INPP4B: variants seen among roughly 807,000 people sequenced by gnomAD.
INPP4B encodes the protein inositol polyphosphate 4-phosphatase type II.
INPP4B carries 55 observed loss-of-function variants against 122.5 expected under a neutral mutation model. That is an observed-to-expected ratio of 0.45 (90% CI 0.36 to 0.56). INPP4B has a LOEUF of 0.56. INPP4B is among the 20% of genes least tolerant of loss of function. INPP4B has a pLI of 0.00. For missense variants in INPP4B, 1,000 were observed against 1,097.7 expected, an observed-to-expected ratio of 0.91 and a Z score of 1.26; for synonymous variants, 403 against 388.7, an observed-to-expected ratio of 1.04 and a Z score of -0.43.
chr4:142,061,885 C>CAT (rs66485353), intron 25 of INPP4B, among the ~76,000 whole-genome samples: 2 of 139,308 alleles, frequency 1.4e-5, no homozygotes, highest in African/African-American at 3.0e-5. Flanking sequence ...CACACACACA[C>CAT]ATATATATAT....
chr4:142,246,070 T>C (rs1284938752), intron 11 of INPP4B, among the ~76,000 whole-genome samples: 1 of 145,008 alleles, frequency 6.9e-6, no homozygotes, highest in Admixed American at 6.7e-5. Context: ...TGTGTGTGTG[T>C]ATACACACAT....
intron 2 of INPP4B, among the ~76,000 whole-genome samples, chr4:142,552,992 A>AT (rs1560791401): frequency 6.6e-6 from 1 of 152,130 alleles, no homozygotes; most frequent in South Asian, 2.1e-4. Flanking sequence ...CACAATAGAC[A>AT]TTTTTGGTCC....
At chr4:142,511,590 G>C (rs887002951) in intron 2 of INPP4B, among the ~76,000 whole-genome samples, 11 of 152,072 alleles carry the variant, frequency 7.2e-5, no homozygotes, top group Non-Finnish European at 1.0e-4. Flanking sequence ...TCTTACCTTT[G>C]GTCGGGCATT....
At chr4:142,180,935 A>G (rs1204328211) in intron 15 of INPP4B, among the ~76,000 whole-genome samples, 1 of 152,202 alleles carries the variant, frequency 6.6e-6, no homozygotes, top group Non-Finnish European at 1.5e-5. Context: ...ACAGTAAATT[A>G]TTTTCAACAA....
chr4:142,694,047 C>T (rs754908185), intron 2 of INPP4B, among the ~76,000 whole-genome samples: 26 of 151,948 alleles, frequency 1.7e-4, no homozygotes, highest in Non-Finnish European at 2.5e-4. Context: ...AAAGTAAGTG[C>T]TTAAATCAAG....
chr4:142,512,981 A>C (rs2149876603), intron 2 of INPP4B, among the ~76,000 whole-genome samples: 1 of 152,304 alleles, frequency 6.6e-6, no homozygotes, highest in Admixed American at 6.5e-5. Context: ...TAAAAATTTG[A>C]CATATAGCTT....
intron 2 of INPP4B, among the ~76,000 whole-genome samples, chr4:142,614,474 T>C (rs1743266389): frequency 3.3e-5 from 5 of 152,150 alleles, no homozygotes; most frequent in African/African-American, 1.2e-4. Context: ...CCTCTGGACA[T>C]TGACCTAGGC....
In INPP4B at chr4:142,538,637, G is replaced by A. The variant is rs529096245; in HGVS notation, c.-190-75911C>T. On this transcript the variant is annotated intron_variant, in intron 2 of 25. Transcript: ENST00000262992. ...ATATTATCTTAAAGTAATTTGAAGT[G>A]TTCTCTTATGAACACTGAGAAGTAC... 5.5e-4 allele frequency among the ~76,000 whole-genome samples: 83 copies of A among 152,166 alleles called. 1 individual carries two copies. Among genetic ancestry groups the A allele is most frequent in the African/African-American group, 1.9e-3 (81 of 41,558 alleles).
At chr4:142,433,761 A>G (rs796290397) in intron 3 of INPP4B, among the ~76,000 whole-genome samples, 81 of 152,312 alleles carry the variant, frequency 5.3e-4, no homozygotes, top group African/African-American at 1.9e-3. Context: ...GTGTCAAGAT[A>G]GTGTTCTGCC....
At chr4:142,788,620 C>A (rs1003272764) in intron 1 of INPP4B, among the ~76,000 whole-genome samples, 1 of 152,064 alleles carries the variant, frequency 6.6e-6, no homozygotes, top group Non-Finnish European at 1.5e-5. Context: ...CCCACCCCTG[C>A]CTGGCCTTCC....
intron 25 of INPP4B, among the ~76,000 whole-genome samples, chr4:142,062,650 C>A (rs1761600624): frequency 6.6e-6 from 1 of 151,968 alleles, no homozygotes; most frequent in Non-Finnish European, 1.5e-5. Context: ...GCAGGAGAAT[C>A]ACTTGAACCT....
intron 7 of INPP4B, among the ~76,000 whole-genome samples, chr4:142,369,931 C>CA (rs11422223): frequency 0.44 from 41,460 of 94,280 alleles, 7,424 homozygotes; most frequent in South Asian, 0.53. Flanking sequence ...GACTCCATCT[C>CA]AAAAAAAAAA....
At chr4:142,593,081 G>T (rs545240099) in intron 2 of INPP4B, among the ~76,000 whole-genome samples, 12 of 151,400 alleles carry the variant, frequency 7.9e-5, no homozygotes, top group Non-Finnish European at 1.5e-4. Context: ...TCCAGCCTGG[G>T]TGATACAGTG....
chr4:142,481,774 G>A (rs1820578492), intron 2 of INPP4B, among the ~76,000 whole-genome samples: 1 of 152,146 alleles, frequency 6.6e-6, no homozygotes, highest in Admixed American at 6.6e-5. Flanking sequence ...AGATGGTTCT[G>A]TGATAGTGCA....
intron 2 of INPP4B, among the ~76,000 whole-genome samples, chr4:142,591,021 G>GA (rs906113745): frequency 6.6e-6 from 1 of 151,924 alleles, no homozygotes; most frequent in South Asian, 2.1e-4. Context: ...AAAAGAAAGA[G>GA]AAAAAAACTC....
rs76631674 is a variant in INPP4B, at chr4:142,144,705, G to A, written c.1720+1135C>T. ...GTTTTGCCTATATGAATGTATGACA[G>A]AGGAAGAGGGACCATCTACAACAAG... On this transcript the variant is annotated intron_variant, in intron 18 of 25. Transcript: ENST00000262992. Among the ~76,000 whole-genome samples the A allele has an allele frequency of 6.3e-3, 956 of 152,194 alleles. 10 individuals are homozygous for A. The highest frequency in any genetic ancestry group is 0.021 in the African/African-American group (880 of 41,564).
intron 5 of INPP4B, among the ~76,000 whole-genome samples, chr4:142,407,378 TC>T (rs1352785229): frequency 6.6e-6 from 1 of 152,126 alleles, no homozygotes; most frequent in Non-Finnish European, 1.5e-5. Context: ...ATAAGTCACT[TC>T]TTTTCTGAGT....
Position 142,783,995 on chromosome 4 carries a change from A to G in INPP4B, c.-253-58094T>C, listed in dbSNP as rs539970917. ...AAAAATGCCAGAGACTTTTGGTTTC[A>G]CCTTCAGCATGTAAAGAGCTTAGAA... On this transcript the variant is annotated intron_variant, in intron 1 of 25. Transcript: ENST00000262992. 1.1e-4 allele frequency among the ~76,000 whole-genome samples: 16 copies of G among 152,288 alleles called. No homozygotes were observed. The South Asian group carries it at 2.3e-3, about 22-fold the overall frequency.
intron 1 of INPP4B, among the ~76,000 whole-genome samples, chr4:142,830,289 A>G (rs1432901480): frequency 6.6e-6 from 1 of 152,242 alleles, no homozygotes; most frequent in Non-Finnish European, 1.5e-5. Context: ...GCAATTTAAT[A>G]TTGCCAAGTG....
Sources: allele counts gnomAD v4.1 joint callset (sites outside exome capture counted in the v4.1 genomes callset), GRCh38; gene constraint gnomAD v4.1.1; transcripts MANE v1.5; gene names NCBI Gene and HGNC (gene_info 2026-07-23, HGNC 2026-07-21).